MXD4: variants seen among roughly 807,000 people sequenced by gnomAD.
The protein encoded by MXD4 is Mad4 homolog.
In MXD4, 16 loss-of-function variants were observed where a neutral mutation model predicts 24.5. That is an observed-to-expected ratio of 0.65 (90% CI 0.44 to 0.99). The LOEUF (loss-of-function observed/expected upper bound fraction) is 0.99. Among genes scored for constraint, MXD4 ranks in the 50% least tolerant of loss-of-function variants. MXD4 has a pLI of 0.00. For synonymous variants in MXD4, 164 were observed against 134.2 expected (o/e 1.22, Z -1.54); for missense variants, 301 against 301.5 (o/e 1.00, Z 0.01).
At chr4:2,252,343 C>G in intron 4 of MXD4, 65 bp downstream of exon 4, 1 of 1,348,536 alleles carries the variant, frequency 7.4e-7, no homozygotes, top group African/African-American at 1.4e-5. Context: ...GTGAGCACCC[C>G]CCCAGGGCGT....
Position 2,247,664 on chromosome 4 carries a change from G to A in MXD4, c.*2880C>T, listed in dbSNP as rs1735222783. ...GTCCTCTGTGCAGGCAGTGGGGAGG[G>A]GGTCCCAGGTTCCCTGACAGAGGGA... On this transcript the variant is annotated 3_prime_UTR_variant, in exon 6 of 6. Transcript: ENST00000337190. 6.6e-6 allele frequency: 1 copy of A among 152,306 alleles called. No individual in the cohort carries two copies. The highest frequency in any genetic ancestry group is 2.4e-5 in the African/African-American group (1 of 41,458). 9.4% of individuals were successfully genotyped at this position (152,306 alleles called of 1,614,324 possible).
rs185077104 is a variant in MXD4 at position 2,260,045 on chromosome 4, A to T, written c.164+1680T>A. ...CTCTGGCCCCCTGCTCCGCCCAGCT[A>T]CTTGTCTGGGCTGGCTGAGGAAACC... is the stretch of plus-strand genomic sequence containing the variant. On this transcript the variant is annotated intron_variant, in intron 2 of 5. Coordinates refer to ENST00000337190, the MANE Select transcript of MXD4 (RefSeq NM_006454.3). Among the ~76,000 whole-genome samples the T allele has an allele frequency of 2.0e-5, 3 of 152,286 alleles. No individual in the cohort carries two copies. In the East Asian group the frequency reaches 5.8e-4, roughly 29 times the overall value.
intron 2 of MXD4, 125 bp from the exon 3 acceptor site, chr4:2,258,136 G>T: frequency 8.4e-7 from 1 of 1,186,618 alleles, no homozygotes; most frequent in Non-Finnish European, 1.2e-6. Flanking sequence ...TCCTGGAATG[G>T]CCCAGAGCAG....
chr4:2,257,263 G>C (rs1735450188), intron 3 of MXD4, among the ~76,000 whole-genome samples: 1 of 152,198 alleles, frequency 6.6e-6, no homozygotes, highest in South Asian at 2.1e-4. Context: ...GGAGGACAGA[G>C]CTGACCCATT....
chr4:2,249,279 G>C lies in MXD4; in HGVS notation c.*1265C>G, dbSNP rs1044687206. 4 of 152,694 alleles carry C rather than the reference G, an allele frequency of 2.6e-5. No homozygotes were observed. The highest frequency in any genetic ancestry group is 1.5e-5 in the Non-Finnish European group (1 of 68,066). 9.5% of individuals were successfully genotyped at this position (152,694 alleles called of 1,614,324 possible). On this transcript the variant is annotated 3_prime_UTR_variant, in exon 6 of 6. Coordinates refer to ENST00000337190, the MANE Select transcript of MXD4 (RefSeq NM_006454.3). ...AAGACACAAGGCACACTTTGACGAC[G>C]TGACGGAGGGACAGGTCCCTGAGAC...
At chr4:2,250,791 G>GGGGCAGAAGCTCTAGGCAGAT in intron 5 of MXD4, 90 bp from the exon 6 acceptor site, 1 of 1,486,738 alleles carries the variant, frequency 6.7e-7, no homozygotes, top group Non-Finnish European at 9.1e-7. Flanking sequence ...TCTAGGCAGA[G>GGGGCAGAAGCTCTAGGCAGAT]GGGCAGAAGT....
chr4:2,250,986 C>A (rs1735308741), intron 5 of MXD4, 98 bp downstream of exon 5: 16 of 1,389,590 alleles, frequency 1.2e-5, no homozygotes, highest in African/African-American at 2.9e-5. Context: ...GGAGGGTTCT[C>A]CCCAGCCCCA....
rs770303342 is a variant in MXD4, at chr4:2,252,539, C to T, written c.195-17G>A. 14 of 1,587,178 alleles carry T rather than the reference C, an allele frequency of 8.8e-6. No individual in the cohort carries two copies. In the African/African-American group the frequency reaches 1.6e-4, roughly 18 times the overall value. ...TTGGCTCGTCTGAAAGAGCCAGAGACAGAACCATCAGGCTGGGGTGGGGGA... is the reference window on the plus strand; with the variant it reads ...TTGGCTCGTCTGAAAGAGCCAGAGATAGAACCATCAGGCTGGGGTGGGGGA... On this transcript the variant is annotated splice_polypyrimidine_tract_variant and intron_variant, in intron 3 of 5. Coordinates refer to ENST00000337190, the MANE Select transcript of MXD4 (RefSeq NM_006454.3).
rs146929350 is a variant in MXD4 at position 2,250,608 on chromosome 4, C to T, written c.566G>A (p.Gly189Asp). 1.2e-6 allele frequency: 2 copies of T among 1,612,822 alleles called. No individual in the cohort carries two copies. Among genetic ancestry groups the T allele is most frequent in the South Asian group, 2.2e-5 (2 of 90,994 alleles). Residue 189 changes from glycine to aspartate, a missense_variant, in exon 6 of 6, where the codon GGC becomes GAC. Coordinates refer to ENST00000337190, the MANE Select transcript of MXD4 (RefSeq NM_006454.3). Reference protein sequence around the residue: ...DADDHYSLQSGTGGDSGFGPH... With the variant: ...DADDHYSLQSDTGGDSGFGPH... ...CCCGAAGCCACTGTCGCCGCCGGTG[C>T]CACTCTGCAGGCTGTAGTGGTCGTC...
At chr4:2,251,717 G>C (rs1360438814) in intron 4 of MXD4, among the ~76,000 whole-genome samples, 1 of 152,214 alleles carries the variant, frequency 6.6e-6, no homozygotes, top group Non-Finnish European at 1.5e-5. Flanking sequence ...CCTTCCTGTG[G>C]GCCCCACTGA....
chr4:2,247,947 G>A lies in MXD4; in HGVS notation c.*2597C>T, dbSNP rs547168826. The A allele has an allele frequency of 6.6e-6, 1 of 152,576 alleles. No homozygotes were observed. The highest frequency in any genetic ancestry group is 6.5e-5 in the Admixed American group (1 of 15,310). The allele number at this position is 152,576 out of a possible 1,614,324, so 9.5% of individuals were successfully genotyped here. On this transcript the variant is annotated 3_prime_UTR_variant, in exon 6 of 6. Coordinates refer to ENST00000337190, the MANE Select transcript of MXD4 (RefSeq NM_006454.3). The stretch of plus-strand genomic sequence containing the variant: ...GGAGCTGCCTTCCAATAAGGCTGGG[G>A]AACCCAAGCCTGAGTCTGGGTGCTC...
chr4:2,250,981 G>T, intron 5 of MXD4, 103 bp downstream of exon 5: 1 of 1,366,742 alleles, frequency 7.3e-7, no homozygotes, highest in Non-Finnish European at 9.7e-7. Flanking sequence ...AGCTGGGAGG[G>T]TTCTCCCCAG....
rs761167828 is a variant in MXD4 at position 2,261,930 on chromosome 4, C to T, written c.51G>A (p.Glu17=). The change falls in exon 1 of 6, where the codon GAG becomes GAA. Residue 17 remains glutamate, a synonymous_variant. Transcript: ENST00000337190. The part of the protein sequence containing the change: ...LILLEAAEYL[E]RRDREAEHGY... ...TGCGAGCGCTACCTCGATCCCTGCG[C>T]TCCAGGTACTCGGCCGCCTCCAGCA... The T allele has an allele frequency of 6.8e-7, 1 of 1,462,946 alleles. No homozygotes were observed. Among genetic ancestry groups the T allele is most frequent in the Non-Finnish European group, 9.0e-7 (1 of 1,105,854 alleles). The allele number at this position is 1,462,946 out of a possible 1,614,324, so 90.6% of individuals were successfully genotyped here. A position where few individuals can be genotyped will look rare whatever the true frequency, so the allele number is the denominator to read the frequency against.
chr4:2,252,621 C>T, intron 3 of MXD4, 99 bp from the exon 4 acceptor site: 1 of 764,058 alleles, frequency 1.3e-6, no homozygotes, highest in Non-Finnish European at 2.1e-6. Flanking sequence ...TCCACTGCTG[C>T]ACATGTGCTG....
intron 2 of MXD4, among the ~76,000 whole-genome samples, chr4:2,261,152 G>A (rs1735533921): frequency 6.6e-6 from 1 of 152,234 alleles, no homozygotes; most frequent in African/African-American, 2.4e-5. Context: ...TCAGGAGGCT[G>A]GGCAGAAGCG....
At chr4:2,253,591 A>C (rs540835189) in intron 3 of MXD4, 6 of 152,238 alleles carry the variant, frequency 3.9e-5, no homozygotes, top group African/African-American at 1.4e-4. Context: ...ATGCCTACAC[A>C]CGTGACTTTC....
At chr4:2,257,016 G>C (rs1735444978) in intron 3 of MXD4, among the ~76,000 whole-genome samples, 1 of 152,160 alleles carries the variant, frequency 6.6e-6, no homozygotes, top group Non-Finnish European at 1.5e-5. Flanking sequence ...GTGGCCTCTA[G>C]GGAACCCCCC....
At chr4:2,254,219 A>T (rs771675621) in intron 3 of MXD4, 4 of 152,234 alleles carry the variant, frequency 2.6e-5, no homozygotes, top group Non-Finnish European at 2.9e-5. Context: ...AAAAAAAATT[A>T]AAAGTACCCC....
intron 3 of MXD4, 46 bp from the exon 4 acceptor site, chr4:2,252,568 C>G: frequency 7.0e-7 from 1 of 1,421,830 alleles, no homozygotes; most frequent in Non-Finnish European, 9.8e-7. Context: ...TGGGGGAGGG[C>G]AGCAGGCAGT....
Sources: gnomAD v4.1 joint callset for allele counts (sites outside exome capture counted in the v4.1 genomes callset) on GRCh38, gnomAD v4.1.1 for gene constraint, MANE v1.5 for transcripts, NCBI Gene and HGNC (gene_info 2026-07-23, HGNC 2026-07-21) for gene names.